RBFOX1: variants seen among roughly 807,000 people sequenced by gnomAD.
The protein encoded by RBFOX1 is RNA binding fox-1 homolog 1, also known as RNA binding protein fox-1 homolog 1.
Under a neutral mutation model 57.7 loss-of-function variants are expected in RBFOX1, and 8 were observed. The ratio of observed to expected loss-of-function variants is 0.14; its 90% CI spans 0.08 to 0.25. RBFOX1 has a LOEUF of 0.25. RBFOX1 is among the 10% of genes least tolerant of loss of function. RBFOX1 has a pLI of 1.00. For missense variants in RBFOX1, 611 were observed against 548.5 expected (o/e 1.11, Z -1.14); for synonymous variants, 326 against 222.4 (o/e 1.47, Z -4.15).
At chr16:5,416,753 A>C (rs2151476325) in intron 1 of RBFOX1, among the ~76,000 whole-genome samples, 1 of 151,098 alleles carries the variant, frequency 6.6e-6, no homozygotes, top group Non-Finnish European at 1.5e-5. Flanking sequence ...GTTGGAATCA[A>C]CTCCCCTTGT....
intron 4 of RBFOX1, among the ~76,000 whole-genome samples, chr16:7,309,614 G>A (rs1012935693): frequency 2.0e-5 from 3 of 152,152 alleles, no homozygotes; most frequent in African/African-American, 7.2e-5. Flanking sequence ...TGGACTGAGG[G>A]TAGACAGTCT....
chr16:7,513,812 C>T (rs1409850045), intron 4 of RBFOX1, among the ~76,000 whole-genome samples: 1 of 152,104 alleles, frequency 6.6e-6, no homozygotes, highest in South Asian at 2.1e-4. Context: ...GCTCATAAGC[C>T]CACTTATGCA....
intron 2 of RBFOX1, among the ~76,000 whole-genome samples, chr16:6,391,310 C>G (rs967737601): frequency 6.6e-6 from 1 of 152,078 alleles, no homozygotes; most frequent in African/African-American, 2.4e-5. Flanking sequence ...GAGATCCAGA[C>G]CATCCTGGCT....
At chr16:6,999,949 G>A (rs1024133982) in intron 3 of RBFOX1, among the ~76,000 whole-genome samples, 3 of 151,690 alleles carry the variant, frequency 2.0e-5, no homozygotes, top group Non-Finnish European at 4.4e-5. Context: ...GCACACACTT[G>A]TAATTTCAGC....
intron 4 of RBFOX1, among the ~76,000 whole-genome samples, chr16:7,238,933 G>C (rs185201392): frequency 2.6e-5 from 4 of 152,140 alleles, no homozygotes; most frequent in Non-Finnish European, 5.9e-5. Flanking sequence ...GAGAATGAGA[G>C]CCTCCAGTTT....
chr16:6,903,568 C>G (rs866847495), intron 3 of RBFOX1, among the ~76,000 whole-genome samples: 1 of 152,078 alleles, frequency 6.6e-6, no homozygotes, highest in Admixed American at 6.6e-5. Flanking sequence ...AGAAAGGTGC[C>G]CCGCAATCAC....
At chr16:6,495,639 T>G (rs2095750162) in intron 2 of RBFOX1, among the ~76,000 whole-genome samples, 1 of 152,250 alleles carries the variant, frequency 6.6e-6, no homozygotes, top group Non-Finnish European at 1.5e-5. Flanking sequence ...CTTGCTTTAT[T>G]TGGCCGTTTC....
chr16:7,469,759 T>C (rs775511731), intron 4 of RBFOX1, among the ~76,000 whole-genome samples: 10 of 152,300 alleles, frequency 6.6e-5, no homozygotes, highest in Admixed American at 3.3e-4. Flanking sequence ...TTTATATTGT[T>C]GTGCAATTAC....
chr16:7,219,542 A>G (rs2092557194), intron 4 of RBFOX1, among the ~76,000 whole-genome samples: 1 of 152,196 alleles, frequency 6.6e-6, no homozygotes, highest in South Asian at 2.1e-4. Flanking sequence ...GGAAACAAAT[A>G]TGACAGACTT....
chr16:5,410,277 A>G (rs1165938514), intron 1 of RBFOX1, among the ~76,000 whole-genome samples: 1 of 151,900 alleles, frequency 6.6e-6, no homozygotes. Context: ...AGGCTGAGGC[A>G]GGAGAATCAC....
At chr16:6,489,942 C>G (rs547747910) in intron 2 of RBFOX1, among the ~76,000 whole-genome samples, 23 of 152,298 alleles carry the variant, frequency 1.5e-4, no homozygotes, top group African/African-American at 4.6e-4. Flanking sequence ...AATTCTGCAA[C>G]TGGATCTCCT....
chr16:6,335,072 T>A (rs1017424660), intron 2 of RBFOX1, among the ~76,000 whole-genome samples: 3 of 152,220 alleles, frequency 2.0e-5, no homozygotes, highest in Non-Finnish European at 4.4e-5. Flanking sequence ...GATGTGATAG[T>A]TTAATTGTAG....
intron 3 of RBFOX1, among the ~76,000 whole-genome samples, chr16:5,724,523 A>C (rs545350309): frequency 1.3e-5 from 2 of 152,128 alleles, no homozygotes. Flanking sequence ...TTACCTACCC[A>C]CTGTGAGAGC....
At chr16:5,681,899 A>T (rs114523850) in intron 3 of RBFOX1, among the ~76,000 whole-genome samples, 8 of 152,088 alleles carry the variant, frequency 5.3e-5, no homozygotes, top group Admixed American at 5.2e-4. Context: ...GTCTGAGATG[A>T]ATCTGGAAGG....
chr16:5,638,671 A>C (rs1596542484), intron 3 of RBFOX1, among the ~76,000 whole-genome samples: 1 of 152,112 alleles, frequency 6.6e-6, no homozygotes, highest in Admixed American at 6.6e-5. Context: ...GGAGGATTGG[A>C]ATGGGTTAAG....
chr16:5,844,150 G>A (rs1055506886), intron 3 of RBFOX1, among the ~76,000 whole-genome samples: 1 of 152,112 alleles, frequency 6.6e-6, no homozygotes, highest in Non-Finnish European at 1.5e-5. Flanking sequence ...GGAGTACCAG[G>A]GACTTTGCCC....
At chr16:6,761,295 G>C (rs543442777) in intron 3 of RBFOX1, among the ~76,000 whole-genome samples, 27 of 152,078 alleles carry the variant, frequency 1.8e-4, no homozygotes, top group Non-Finnish European at 2.8e-4. Context: ...ACTGACACTT[G>C]GATATTTGGT....
Position 6,134,912 on chromosome 16 carries a change from G to A in RBFOX1, c.-127+114920G>A, listed in dbSNP as rs145616302. On this transcript the variant is annotated intron_variant, in intron 1 of 15. Coordinates refer to ENST00000550418, the MANE Select transcript of RBFOX1 (RefSeq NM_018723.4). ...CACAACGTGCAGGGTTGTTACATAT[G>A]TATGCATGTGCCATGTTGGTGTGCT... 8.7e-4 allele frequency among the ~76,000 whole-genome samples: 132 copies of A among 152,096 alleles called. No homozygotes were observed. In the East Asian group the frequency reaches 0.018, roughly 20 times the overall value.
At chr16:6,692,846 A>G (rs1250284306) in intron 3 of RBFOX1, among the ~76,000 whole-genome samples, 4 of 152,104 alleles carry the variant, frequency 2.6e-5, no homozygotes, top group South Asian at 2.1e-4. Flanking sequence ...ATCCACTACC[A>G]TCACCACCAT....
Sources: gnomAD v4.1 joint callset for allele counts (sites outside exome capture counted in the v4.1 genomes callset) on GRCh38, gnomAD v4.1.1 for gene constraint, MANE v1.5 for transcripts, NCBI Gene and HGNC (gene_info 2026-07-23, HGNC 2026-07-21) for gene names.